REV3L: variants seen among roughly 807,000 people sequenced by gnomAD.
The protein encoded by REV3L is DNA polymerase zeta catalytic subunit.
Under a neutral mutation model 299.4 loss-of-function variants are expected in REV3L, and 69 were observed. The observed-to-expected ratio is 0.23, with a 90% confidence interval of 0.19 to 0.28. The LOEUF is 0.28. Ranked by LOEUF, REV3L falls within the 10% of genes least tolerant of loss-of-function variation. The pLI, the probability that REV3L is intolerant of heterozygous loss-of-function variation, is 1.00. For synonymous variants in REV3L, 1,238 were observed against 1,271.4 expected (o/e 0.97, Z 0.56); for missense variants, 3,128 against 3,693.8 (o/e 0.85, Z 3.97).
At chr6:111,473,766 C>T (rs1237203945) in intron 1 of REV3L, among the ~76,000 whole-genome samples, 1 of 151,912 alleles carries the variant, frequency 6.6e-6, no homozygotes, top group African/African-American at 2.4e-5. Context: ...CCAATATTCC[C>T]TCATGTTTCG....
chr6:111,369,055 C>T (rs1779512727), intron 13 of REV3L, among the ~76,000 whole-genome samples: 1 of 152,100 alleles, frequency 6.6e-6, no homozygotes, highest in Admixed American at 6.5e-5. Flanking sequence ...TGTGAAAAAA[C>T]AGAAACAGAA....
At chr6:111,326,463 G>A (rs966920899) in intron 25 of REV3L, among the ~76,000 whole-genome samples, 2 of 152,074 alleles carry the variant, frequency 1.3e-5, no homozygotes, top group African/African-American at 4.8e-5. Context: ...AATAATGAAT[G>A]CTGGCAAGGA....
chr6:111,405,582 C>A lies in REV3L; in HGVS notation c.453G>T (p.Gln151His). ...QSGAIMNKFY[Q>H]PHEAHIPYLL... ...GGTAGGGAATATGCGCTTCATGAGG[C>A]TGGTAAAATTTATTCATTATGGCTC... Residue 151 changes from glutamine (Q) to histidine (H), a missense_variant, in exon 4 of 32, where the codon CAG (glutamine) becomes CAT (histidine). Physicochemically the swap from Gln to His is conservative, Grantham distance 24. Transcript: ENST00000368802. 2 of 1,605,732 alleles carry A rather than the reference C, an allele frequency of 1.2e-6. No homozygotes were observed. The highest frequency in any genetic ancestry group is 1.1e-5 in the South Asian group (1 of 88,696).
upstream of REV3L, chr6:111,483,566 A>C (rs1336050226): frequency 4.2e-6 from 2 of 476,848 alleles, no homozygotes; most frequent in Non-Finnish European, 8.2e-6. Context: ...GCGGCTATGC[A>C]GGATTGGCAG....
At chr6:111,452,670 C>T (rs1789689949) in intron 1 of REV3L, among the ~76,000 whole-genome samples, 1 of 152,074 alleles carries the variant, frequency 6.6e-6, no homozygotes, top group Non-Finnish European at 1.5e-5. Context: ...AAAAGGAGCA[C>T]AAGGGAACTT....
intron 1 of REV3L, chr6:111,472,059 T>C: frequency 8.1e-7 from 1 of 1,232,088 alleles, no homozygotes. Context: ...CTCAGATATA[T>C]TATTCCATAG....
chr6:111,307,693 T>TTGAA, intron 30 of REV3L, 123 bp from the exon 31 acceptor site: 1 of 850,516 alleles, frequency 1.2e-6, no homozygotes, highest in South Asian at 1.6e-5. Flanking sequence ...TCAACAAATG[T>TTGAA]TGAGTAGCTA....
intron 26 of REV3L, among the ~76,000 whole-genome samples, chr6:111,318,765 T>TC (rs887868682): frequency 1.3e-5 from 2 of 151,992 alleles, no homozygotes; most frequent in African/African-American, 4.8e-5. Flanking sequence ...AGACGGGGTT[T>TC]CTCCATGTTG....
intron 1 of REV3L, 109 bp from the exon 2 acceptor site, chr6:111,416,581 G>A (rs1310781477): frequency 1.2e-6 from 1 of 865,246 alleles, no homozygotes; most frequent in South Asian, 1.9e-5. Context: ...TTATCTAAGG[G>A]AAGAGTTGAA....
At chr6:111,439,088 TTTGA>T (rs1787934452) in intron 1 of REV3L, among the ~76,000 whole-genome samples, 2 of 152,246 alleles carry the variant, frequency 1.3e-5, no homozygotes, top group Admixed American at 1.3e-4. Flanking sequence ...GAATTTGCTG[TTTGA>T]TTGTAATACA....
intron 14 of REV3L, 125 bp from the exon 15 acceptor site, chr6:111,365,469 A>G: frequency 2.3e-6 from 1 of 433,916 alleles, no homozygotes; most frequent in Non-Finnish European, 4.0e-6. Context: ...AATTCCCCCC[A>G]GAATTTCATA....
At chr6:111,313,562 T>C in intron 27 of REV3L, 73 bp from the exon 28 acceptor site, 1 of 1,420,782 alleles carries the variant, frequency 7.0e-7, no homozygotes, top group Non-Finnish European at 9.4e-7. Context: ...TTTATGTCTT[T>C]GTGCTTTCTT....
Position 111,351,695 on chromosome 6 carries a change from C to T in REV3L, c.7281G>A (p.Arg2427=), listed in dbSNP as rs774889942. 1.2e-6 allele frequency: 2 copies of T among 1,613,206 alleles called. No homozygotes were observed. Among genetic ancestry groups the T allele is most frequent in the South Asian group, 2.2e-5 (2 of 90,980 alleles). ...ACATACCTGGCACCCGAGAGATCAT[C>T]CGACATAAGTCAATACTTAAAGCGG... ...RAAALSIDLC[R]MISRVPDDKI... is the part of the protein sequence containing the mutation. The change falls in exon 19 of 32, where the codon CGG becomes CGA. Residue 2427 remains arginine (R), a synonymous_variant. Transcript: ENST00000368802.
In REV3L at chr6:111,376,180, T is replaced by C; in HGVS notation, c.2175A>G (p.Glu725=). 6.2e-7 allele frequency: 1 copy of C among 1,612,188 alleles called. No homozygotes were observed. ...TACTCAGAGCTGTGCTGTTTCCTTT[T>C]TCATTTCCTTCAGAGGATACTTTAT... ...SKNKVSSEGN[E]KGNSTALSSL... is the part of the protein sequence containing the mutation. The change falls in exon 13 of 32, where the codon GAA becomes GAG. Residue 725 remains glutamate (E), a synonymous_variant. Transcript: ENST00000368802.
Position 111,313,451 on chromosome 6 carries a change from A to G in REV3L, c.8505T>C (p.Tyr2835=), listed in dbSNP as rs1278363901. Residue 2835 remains tyrosine, a synonymous_variant, in exon 28 of 32, where the codon TAT becomes TAC. Transcript: ENST00000368802. ...LPCVLQTKKR[Y]VGYMYETLDQ... The stretch of plus-strand genomic sequence containing the variant: ...CCAGTGTTTCATACATGTAACCCAC[A>G]TACCTCTTTTTTGTTTGTAAAACAC... 1.2e-6 allele frequency: 2 copies of G among 1,612,714 alleles called. No homozygotes were observed. Among genetic ancestry groups the G allele is most frequent in the South Asian group, 1.1e-5 (1 of 90,752 alleles).
chr6:111,319,624 T>G (rs751677551), intron 26 of REV3L, among the ~76,000 whole-genome samples: 1 of 152,204 alleles, frequency 6.6e-6, no homozygotes, highest in South Asian at 2.1e-4. Context: ...CGATAACTTA[T>G]TGTACATTTA....
At chr6:111,328,614 G>T (rs1030774255) in intron 25 of REV3L, among the ~76,000 whole-genome samples, 3 of 152,054 alleles carry the variant, frequency 2.0e-5, no homozygotes, top group Admixed American at 6.5e-5. Flanking sequence ...AGACACAGAG[G>T]TATCTTATAG....
At chr6:111,359,517 C>T (rs1778425682) in intron 16 of REV3L, among the ~76,000 whole-genome samples, 1 of 78,808 alleles carries the variant, frequency 1.3e-5, no homozygotes, top group Non-Finnish European at 2.4e-5. Flanking sequence ...TATAGTTTTT[C>T]CTGAAAAAAA....
chr6:111,323,631 G>A (rs1774437987), intron 25 of REV3L, among the ~76,000 whole-genome samples: 1 of 152,150 alleles, frequency 6.6e-6, no homozygotes, highest in Non-Finnish European at 1.5e-5. Flanking sequence ...TGACAAATAT[G>A]AGAAGCATGC....
Sources: gnomAD v4.1 joint callset for allele counts (sites outside exome capture counted in the v4.1 genomes callset) on GRCh38, gnomAD v4.1.1 for gene constraint, MANE v1.5 for transcripts, NCBI Gene and HGNC (gene_info 2026-07-23, HGNC 2026-07-21) for gene names.